Variants in KIAA1671 observed in about 807,000 individuals in gnomAD.
KIAA1671 encodes KIAA1671, also known as uncharacterized protein KIAA1671.
Under a neutral mutation model 131.2 loss-of-function variants are expected in KIAA1671, and 52 were observed. The observed-to-expected ratio is 0.40, with a 90% confidence interval of 0.32 to 0.50. KIAA1671 has a LOEUF of 0.50. Ranked by LOEUF, KIAA1671 falls within the 20% of genes least tolerant of loss-of-function variation. KIAA1671 has a pLI of 0.73. For missense variants in KIAA1671, 2,360 were observed against 2,364.2 expected, an observed-to-expected ratio of 1.00 and a Z score of 0.04; for synonymous variants, 1,003 against 961.6, an observed-to-expected ratio of 1.04 and a Z score of -0.80.
chr22:25,190,636 C>G, intron 11 of KIAA1671, 66 bp from the exon 12 acceptor site: 1 of 1,356,348 alleles, frequency 7.4e-7, no homozygotes. Flanking sequence ...GGATACCACT[C>G]AGTCCTGCCC....
At chr22:25,111,228 A>G (rs758591924) in intron 6 of KIAA1671, among the ~76,000 whole-genome samples, 2 of 152,162 alleles carry the variant, frequency 1.3e-5, no homozygotes, top group Non-Finnish European at 2.9e-5. Flanking sequence ...ACATACACGC[A>G]CACACACACA....
At chr22:24,961,349 C>T (rs1235034508) in intron 1 of KIAA1671, among the ~76,000 whole-genome samples, 1 of 152,216 alleles carries the variant, frequency 6.6e-6, no homozygotes, top group Non-Finnish European at 1.5e-5. Context: ...AAGATATTTG[C>T]CCATGTACAC....
At chr22:25,113,626 AG>A (rs1931503216) in intron 6 of KIAA1671, among the ~76,000 whole-genome samples, 1 of 152,166 alleles carries the variant, frequency 6.6e-6, no homozygotes, top group African/African-American at 2.4e-5. Context: ...GACTCACCCC[AG>A]GTCACGCAGC....
Position 25,098,269 on chromosome 22 carries a change from ATAG to A in KIAA1671, c.4530+48910_4530+48912del, listed in dbSNP as rs543915673. ...GAAAGGGGCAGGGAAGAGAAGGCAA[ATAG>A]TAGTTCTTCCATCCCCTCCCCTCCC... On this transcript the variant is annotated intron_variant, in intron 6 of 12. Coordinates refer to ENST00000358431, the MANE Select transcript of KIAA1671 (RefSeq NM_001145206.2). Among the ~76,000 whole-genome samples, 5 of 152,228 alleles carry A rather than the reference ATAG, an allele frequency of 3.3e-5. No individual in the cohort carries two copies. In the South Asian group the frequency reaches 1.0e-3, roughly 32 times the overall value.
intron 6 of KIAA1671, among the ~76,000 whole-genome samples, chr22:25,139,541 C>T (rs1394383190): frequency 1.3e-5 from 2 of 152,240 alleles, no homozygotes; most frequent in Non-Finnish European, 2.9e-5. Flanking sequence ...CATCTATCTC[C>T]TCAGCAGATG....
chr22:25,162,648 T>G (rs536580284), intron 6 of KIAA1671, among the ~76,000 whole-genome samples: 3 of 152,242 alleles, frequency 2.0e-5, no homozygotes, highest in Non-Finnish European at 4.4e-5. Flanking sequence ...TTCTAAGTGC[T>G]GGGGTACTGT....
intron 1 of KIAA1671, among the ~76,000 whole-genome samples, chr22:24,991,703 C>T (rs903209622): frequency 3.3e-5 from 5 of 150,152 alleles, no homozygotes; most frequent in Non-Finnish European, 5.9e-5. Flanking sequence ...CCTCGTGATC[C>T]GCCTGCCTCA....
Position 25,040,858 on chromosome 22 carries a change from T to C in KIAA1671, c.3728T>C (p.Val1243Ala), listed in dbSNP as rs938873317. ...GAGAGGCCTGTTCAGCTGGGCGGGG[T>C]GGAGCAGAGAAGGAGGAGCCTGAAG... is the stretch of plus-strand genomic sequence containing the variant. ...PRERPVQLGG[V>A]EQRRRSLKEM... The change falls in exon 5 of 13, where the codon GTG becomes GCG. Residue 1243 changes from valine (V) to alanine (A), a missense_variant. By Grantham distance (64) the Val-to-Ala change is moderately conservative (BLOSUM62 0). Transcript: ENST00000358431. 1 of 1,546,726 alleles carries C rather than the reference T, an allele frequency of 6.5e-7. No homozygotes were observed. Among genetic ancestry groups the C allele is most frequent in the Non-Finnish European group, 8.7e-7 (1 of 1,144,398 alleles).
chr22:25,017,620 A>T (rs1468352083), intron 1 of KIAA1671, among the ~76,000 whole-genome samples: 1 of 152,206 alleles, frequency 6.6e-6, no homozygotes, highest in Non-Finnish European at 1.5e-5. Context: ...AAATGGTTGA[A>T]ATAGTAAATT....
intron 6 of KIAA1671, among the ~76,000 whole-genome samples, chr22:25,071,420 G>A (rs1358905763): frequency 6.6e-6 from 1 of 152,116 alleles, no homozygotes; most frequent in Non-Finnish European, 1.5e-5. Flanking sequence ...CAGAGCAGTG[G>A]GGAAACAGGA....
chr22:25,185,307 G>T, intron 11 of KIAA1671, 188 bp downstream of exon 11: 1 of 662,076 alleles, frequency 1.5e-6, no homozygotes, highest in South Asian at 2.7e-5. Flanking sequence ...CAGAGGCCGG[G>T]GAAGGAGGCC....
chr22:25,067,980 T>C (rs1928573682), intron 6 of KIAA1671, among the ~76,000 whole-genome samples: 1 of 152,248 alleles, frequency 6.6e-6, no homozygotes, highest in Non-Finnish European at 1.5e-5. Flanking sequence ...GCAGCTGGCA[T>C]CATCCCTCCA....
chr22:25,069,985 CCCGGGCATCA>C (rs748582568), intron 6 of KIAA1671: 2 of 192,258 alleles, frequency 1.0e-5, no homozygotes, highest in Non-Finnish European at 2.1e-5. Context: ...ACATTCAGTT[CCCGGGCATCA>C]CCTTCTCTCT....
intron 4 of KIAA1671, among the ~76,000 whole-genome samples, chr22:25,036,250 T>C (rs915153341): frequency 3.9e-5 from 6 of 151,968 alleles, no homozygotes; most frequent in African/African-American, 1.4e-4. Context: ...CTGGCTAATT[T>C]TGTGTTTTTA....
chr22:25,106,841 A>G (rs1053966116), intron 6 of KIAA1671, among the ~76,000 whole-genome samples: 1 of 152,256 alleles, frequency 6.6e-6, no homozygotes, highest in Non-Finnish European at 1.5e-5. Flanking sequence ...CTTGCACTGC[A>G]CTGAGCAAGT....
At chr22:25,078,181 A>G (rs1929214477) in intron 6 of KIAA1671, among the ~76,000 whole-genome samples, 1 of 152,204 alleles carries the variant, frequency 6.6e-6, no homozygotes, top group Admixed American at 6.5e-5. Context: ...TGTGTTTACC[A>G]CTGAACTCTC....
chr22:25,168,881 AG>A (rs1380482087), intron 6 of KIAA1671, among the ~76,000 whole-genome samples: 1 of 152,078 alleles, frequency 6.6e-6, no homozygotes, highest in Non-Finnish European at 1.5e-5. Context: ...GAGCAAGGGT[AG>A]GGGATGGGAT....
At chr22:24,968,535 C>T (rs1922424117) in intron 1 of KIAA1671, among the ~76,000 whole-genome samples, 1 of 152,184 alleles carries the variant, frequency 6.6e-6, no homozygotes, top group Admixed American at 6.5e-5. Flanking sequence ...CATCCACACC[C>T]ATGGAATGGG....
At chr22:25,162,015 A>G (rs1309055710) in intron 6 of KIAA1671, among the ~76,000 whole-genome samples, 2 of 152,120 alleles carry the variant, frequency 1.3e-5, no homozygotes, top group Non-Finnish European at 2.9e-5. Flanking sequence ...ACTCAGGTTC[A>G]AATCCCAGCT....
Sources: allele counts gnomAD v4.1 joint callset (sites outside exome capture counted in the v4.1 genomes callset), GRCh38; gene constraint gnomAD v4.1.1; transcripts MANE v1.5; gene names NCBI Gene and HGNC (gene_info 2026-07-23, HGNC 2026-07-21).